SHOC2: variants seen among roughly 807,000 people sequenced by gnomAD.
SHOC2 encodes the protein leucine-rich repeat protein SHOC-2.
A neutral mutation model predicts 50.2 loss-of-function variants in SHOC2; 4 were observed. The ratio of observed to expected loss-of-function variants is 0.08; its 90% CI spans 0.04 to 0.18. The LOEUF (loss-of-function observed/expected upper bound fraction) is 0.18, where lower values mean the gene tolerates loss of function less well. Among genes scored for constraint, SHOC2 ranks in the 10% least tolerant of loss-of-function variants. The pLI, the probability that SHOC2 is intolerant of heterozygous loss-of-function variation, is 1.00. For synonymous variants in SHOC2, 218 were observed against 244.5 expected, an observed-to-expected ratio of 0.89 and a Z score of 1.01; for missense variants, 388 against 669.6, an observed-to-expected ratio of 0.58 and a Z score of 4.64.
intron 1 of SHOC2, among the ~76,000 whole-genome samples, chr10:110,945,942 C>A (rs1176676958): frequency 6.6e-6 from 1 of 152,154 alleles, no homozygotes; most frequent in Non-Finnish European, 1.5e-5. Context: ...CATACCCACC[C>A]TATCCCAATT....
At chr10:110,953,792 T>C (rs1262275118) in intron 1 of SHOC2, among the ~76,000 whole-genome samples, 1 of 151,774 alleles carries the variant, frequency 6.6e-6, no homozygotes, top group Non-Finnish European at 1.5e-5. Context: ...TACCATCTTA[T>C]GCCACATATT....
At position 111,000,432 on chromosome 10, in the gene SHOC2, A is replaced by G. The variant is rs751220278; in HGVS notation, c.859A>G (p.Ser287Gly). The change falls in exon 4 of 9, where the codon AGT becomes GGT. Residue 287 changes from serine to glycine, a missense_variant. Ser to Gly is a moderately conservative substitution (Grantham distance 56). Transcript: ENST00000369452. Reference protein sequence around the residue: ...PDTIGNLSSLSRLGLRYNRLS... With the variant: ...PDTIGNLSSLGRLGLRYNRLS... ...GTTTACAGGAAACCTGTCCAGTTTA[A>G]GTCGTCTTGGTCTGAGATATAACAG... 6.2e-7 allele frequency: 1 copy of G among 1,613,878 alleles called. No homozygotes were observed. Among genetic ancestry groups the G allele is most frequent in the Non-Finnish European group, 8.5e-7 (1 of 1,179,840 alleles).
At chr10:110,939,735 T>G (rs1847099636) in intron 1 of SHOC2, among the ~76,000 whole-genome samples, 1 of 152,204 alleles carries the variant, frequency 6.6e-6, no homozygotes, top group African/African-American at 2.4e-5. Context: ...AGAGAAAAAG[T>G]AGTTTTAAAA....
At chr10:110,950,660 C>T (rs965495579) in intron 1 of SHOC2, among the ~76,000 whole-genome samples, 1 of 152,082 alleles carries the variant, frequency 6.6e-6, no homozygotes, top group African/African-American at 2.4e-5. Context: ...GTGGTACTGG[C>T]ATAAAACCAG....
In SHOC2 at chr10:110,982,447, G is replaced by T. The variant is rs545360434; in HGVS notation, c.704-3181G>T. On this transcript the variant is annotated intron_variant, in intron 2 of 8. Transcript: ENST00000369452. Reference sequence around the variant, plus strand: ...AATCGCCACACTGACTTCCACAATGGTTGAACTAGTTTACAGTCCCACCAA... The same window carrying T: ...AATCGCCACACTGACTTCCACAATGTTTGAACTAGTTTACAGTCCCACCAA... Among the ~76,000 whole-genome samples, 5 of 151,928 alleles carry T rather than the reference G, an allele frequency of 3.3e-5. No individual in the cohort carries two copies. In the East Asian group the frequency reaches 7.7e-4, roughly 24 times the overall value.
chr10:111,008,534 T>G (rs1334358141), intron 6 of SHOC2, among the ~76,000 whole-genome samples: 1 of 152,064 alleles, frequency 6.6e-6, no homozygotes, highest in Non-Finnish European at 1.5e-5. Flanking sequence ...AGAGTTGTAG[T>G]TAGGATTAAA....
At chr10:110,960,160 A>G (rs1346920403) in intron 1 of SHOC2, among the ~76,000 whole-genome samples, 1 of 152,246 alleles carries the variant, frequency 6.6e-6, no homozygotes, top group Non-Finnish European at 1.5e-5. Context: ...CTATGGCCTG[A>G]TGGCCAAATC....
chr10:110,947,013 A>G (rs2134098273), intron 1 of SHOC2, among the ~76,000 whole-genome samples: 1 of 152,344 alleles, frequency 6.6e-6, no homozygotes. Flanking sequence ...CAAATGATAG[A>G]TTGTAGCACC....
At chr10:110,942,666 A>G (rs567324625) in intron 1 of SHOC2, among the ~76,000 whole-genome samples, 2 of 152,220 alleles carry the variant, frequency 1.3e-5, no homozygotes, top group African/African-American at 4.8e-5. Context: ...CTCTTGGTCT[A>G]CTCGGACTCT....
At chr10:110,949,520 T>C (rs528090196) in intron 1 of SHOC2, among the ~76,000 whole-genome samples, 3 of 151,946 alleles carry the variant, frequency 2.0e-5, no homozygotes, top group African/African-American at 4.8e-5. Flanking sequence ...AAAGAAGACA[T>C]AGCACAAGTC....
chr10:110,960,351 A>T (rs1025009034), intron 1 of SHOC2, among the ~76,000 whole-genome samples: 1 of 152,240 alleles, frequency 6.6e-6, no homozygotes, highest in African/African-American at 2.4e-5. Context: ...CTCACCCTTG[A>T]CTTAGAAGCC....
chr10:110,926,208 G>C (rs1846769585), intron 1 of SHOC2, among the ~76,000 whole-genome samples: 1 of 152,078 alleles, frequency 6.6e-6, no homozygotes, highest in African/African-American at 2.4e-5. Flanking sequence ...TTTGATGTCT[G>C]TCTTTATTGC....
chr10:110,954,130 A>T (rs1172047246), intron 1 of SHOC2, among the ~76,000 whole-genome samples: 1 of 151,548 alleles, frequency 6.6e-6, no homozygotes, highest in Non-Finnish European at 1.5e-5. Context: ...TAATGTTTAT[A>T]TTCCAATTTA....
At chr10:110,925,863 A>G (rs938329603) in intron 1 of SHOC2, among the ~76,000 whole-genome samples, 1 of 152,226 alleles carries the variant, frequency 6.6e-6, no homozygotes, top group Non-Finnish European at 1.5e-5. Context: ...TCTGTGTTAA[A>G]ACACTCATTT....
intron 3 of SHOC2, among the ~76,000 whole-genome samples, chr10:110,987,370 C>T (rs1370465619): frequency 6.6e-6 from 1 of 152,048 alleles, no homozygotes; most frequent in Non-Finnish European, 1.5e-5. Flanking sequence ...TTATACAGGA[C>T]AATTATTTAC....
chr10:110,961,392 C>G (rs781728621), intron 1 of SHOC2, among the ~76,000 whole-genome samples: 1 of 152,176 alleles, frequency 6.6e-6, no homozygotes, highest in Non-Finnish European at 1.5e-5. Flanking sequence ...TGATTCAGGT[C>G]TGAACTAGAT....
At chr10:110,919,575 T>C, upstream of SHOC2, 1 of 206,800 alleles carries the variant, frequency 4.8e-6, no homozygotes, top group Non-Finnish European at 8.9e-6. Context: ...GGGCGGCGGT[T>C]GGGCAGCGTC....
chr10:110,926,975 T>A (rs1564700721), intron 1 of SHOC2, among the ~76,000 whole-genome samples: 1 of 152,328 alleles, frequency 6.6e-6, no homozygotes, highest in East Asian at 1.9e-4. Context: ...TGTGTTTCTT[T>A]GTTTACTTTG....
chr10:110,943,183 C>G (rs943794431), intron 1 of SHOC2, among the ~76,000 whole-genome samples: 1 of 151,380 alleles, frequency 6.6e-6, no homozygotes, highest in African/African-American at 2.4e-5. Context: ...CCTTCTGGGA[C>G]TCCCATTATG....
Sources: allele counts gnomAD v4.1 joint callset (sites outside exome capture counted in the v4.1 genomes callset), GRCh38; gene constraint gnomAD v4.1.1; transcripts MANE v1.5; gene names NCBI Gene and HGNC (gene_info 2026-07-23, HGNC 2026-07-21).